ACTN2: variants seen among roughly 807,000 people sequenced by gnomAD.
ACTN2 encodes the protein alpha-actinin-2.
A neutral mutation model predicts 113.8 loss-of-function variants in ACTN2; 39 were observed. The observed-to-expected ratio is 0.34, with a 90% CI of 0.27 to 0.45. The LOEUF is 0.45. Ranked by LOEUF, ACTN2 falls within the 20% of genes least tolerant of loss-of-function variation. The pLI, the probability that ACTN2 is intolerant of heterozygous loss-of-function variation, is 1.00. For missense variants in ACTN2, 992 were observed against 1,177.9 expected (o/e 0.84, Z 2.31); for synonymous variants, 429 against 444.1 (o/e 0.97, Z 0.43).
rs888459537 is a variant in ACTN2 at position 236,745,069 on chromosome 1, G to A, written c.1406+293G>A. 9.2e-5 allele frequency among the ~76,000 whole-genome samples: 14 copies of A among 152,290 alleles called. No homozygotes were observed. The Middle Eastern group carries it at 0.014, about 148-fold the overall frequency. On this transcript the variant is annotated intron_variant, in intron 12 of 20. Coordinates refer to ENST00000366578, the MANE Select transcript of ACTN2 (RefSeq NM_001103.4). Reference sequence around the variant, plus strand: ...ATTGGGGCCCAGAAAGCTATGGGAAGGCGGCCTCACCCAGGCCAGGTGCAA... The same window carrying A: ...ATTGGGGCCCAGAAAGCTATGGGAAAGCGGCCTCACCCAGGCCAGGTGCAA...
In ACTN2 at chr1:236,754,130, C is replaced by G; in HGVS notation, c.1974+49C>G. The stretch of plus-strand genomic sequence containing the variant: ...CTGTTCACAAGCCTTGCGATAAGTC[C>G]CTTTAGCCACGCAGCAGTGACACCG... On this transcript the variant is annotated intron_variant, in intron 16 of 20. Coordinates refer to ENST00000366578, the MANE Select transcript of ACTN2 (RefSeq NM_001103.4). The surrounding 1 kb of genome is among the most constrained non-coding windows in gnomAD (Gnocchi z 4.9). 1 of 1,608,312 alleles carries G rather than the reference C, an allele frequency of 6.2e-7. No homozygotes were observed. Among genetic ancestry groups the G allele is most frequent in the Non-Finnish European group, 8.5e-7 (1 of 1,179,716 alleles).
At chr1:236,707,390 A>G (rs1273291348) in intron 1 of ACTN2, among the ~76,000 whole-genome samples, 1 of 152,180 alleles carries the variant, frequency 6.6e-6, no homozygotes, top group African/African-American at 2.4e-5. Context: ...TTCCTTAGTT[A>G]TTGGAGGCGG....
intron 3 of ACTN2, among the ~76,000 whole-genome samples, chr1:236,719,451 G>A (rs1652226): frequency 0.81 from 122,673 of 152,138 alleles, 51,461 homozygotes; most frequent in East Asian, 0.98. Context: ...CCGTAAGAAG[G>A]GTCAGGGTAA....
At chr1:236,727,592 A>G in intron 5 of ACTN2, 86 bp from the exon 6 acceptor site, 1 of 1,417,268 alleles carries the variant, frequency 7.1e-7, no homozygotes, top group Non-Finnish European at 1.0e-6. Context: ...AGACAGAAGG[A>G]AGGCCAACAT....
chr1:236,741,713 G>A (rs1198065431), intron 10 of ACTN2, among the ~76,000 whole-genome samples: 1 of 152,042 alleles, frequency 6.6e-6, no homozygotes, highest in Non-Finnish European at 1.5e-5. Context: ...TCTCTCCTTG[G>A]ACCCTGCAAG....
Position 236,749,198 on chromosome 1 carries a change from T to C in ACTN2, c.1590T>C (p.Asn530=), listed in dbSNP as rs1572141421. The change falls in exon 14 of 21, where the codon AAT becomes AAC. Residue 530 remains asparagine (N), a synonymous_variant. Coordinates refer to ENST00000366578, the MANE Select transcript of ACTN2 (RefSeq NM_001103.4). ...EFAKRAAPFN[N]WMEGAMEDLQ... ...CCAAGAGGGCTGCTCCTTTCAACAA[T>C]TGGATGGAGGGCGCTATGGAGGATC... 3 of 1,614,142 alleles carry C rather than the reference T, an allele frequency of 1.9e-6. No homozygotes were observed. The highest frequency in any genetic ancestry group is 2.5e-6 in the Non-Finnish European group (3 of 1,180,010).
At chr1:236,703,874 T>G (rs1467299095) in intron 1 of ACTN2, among the ~76,000 whole-genome samples, 1 of 152,040 alleles carries the variant, frequency 6.6e-6, no homozygotes, top group Non-Finnish European at 1.5e-5. Context: ...GGAGACTGAG[T>G]ATTAAGGACT....
chr1:236,710,277 T>G (rs1657985818), intron 1 of ACTN2, among the ~76,000 whole-genome samples: 1 of 152,256 alleles, frequency 6.6e-6, no homozygotes, highest in South Asian at 2.1e-4. Flanking sequence ...GATGTAGGCT[T>G]CATTAACTTA....
intron 1 of ACTN2, among the ~76,000 whole-genome samples, chr1:236,709,220 G>GTGTGTATATATA (rs1275373436): frequency 6.0e-5 from 4 of 66,850 alleles, no homozygotes; most frequent in African/African-American, 1.8e-4. Context: ...ACAAATGACT[G>GTGTGTATATATA]TATATATATA....
At chr1:236,712,778 G>C (rs1005911481) in intron 1 of ACTN2, among the ~76,000 whole-genome samples, 1 of 152,172 alleles carries the variant, frequency 6.6e-6, no homozygotes, top group African/African-American at 2.4e-5. Flanking sequence ...AAGTGCTTCT[G>C]ATGCCTGTAT....
At chr1:236,726,485 G>A (rs1385285512) in intron 5 of ACTN2, among the ~76,000 whole-genome samples, 1 of 152,148 alleles carries the variant, frequency 6.6e-6, no homozygotes, top group South Asian at 2.1e-4. Flanking sequence ...GAAAAATTAT[G>A]TCTGAAAAAT....
intron 18 of ACTN2, among the ~76,000 whole-genome samples, chr1:236,758,060 T>C (rs1024962577): frequency 1.3e-5 from 2 of 152,218 alleles, no homozygotes; most frequent in Admixed American, 6.5e-5. Context: ...CTCAGTTTTC[T>C]GTTTTAATTA....
At chr1:236,687,306 C>T (rs901143946) in intron 1 of ACTN2, among the ~76,000 whole-genome samples, 4 of 152,174 alleles carry the variant, frequency 2.6e-5, no homozygotes, top group African/African-American at 9.7e-5. Flanking sequence ...GAACACTAGA[C>T]ATTTACCGAT....
At chr1:236,705,990 T>C (rs1657812901) in intron 1 of ACTN2, among the ~76,000 whole-genome samples, 1 of 152,200 alleles carries the variant, frequency 6.6e-6, no homozygotes, top group African/African-American at 2.4e-5. Flanking sequence ...GATAAGACAA[T>C]CTTTTCAAGT....
chr1:236,751,210 TA>T (rs986909039), intron 14 of ACTN2, among the ~76,000 whole-genome samples: 9 of 151,242 alleles, frequency 6.0e-5, no homozygotes, highest in Non-Finnish European at 1.0e-4. Flanking sequence ...GAAAACTGAT[TA>T]AAAAAAATTA....
chr1:236,760,425 A>T (rs1659672625), intron 19 of ACTN2, among the ~76,000 whole-genome samples: 1 of 152,200 alleles, frequency 6.6e-6, no homozygotes, highest in Admixed American at 6.5e-5. Flanking sequence ...GGCTTTTAGT[A>T]GGAACCTAAT....
chr1:236,740,881 C>T (rs1373092163), intron 10 of ACTN2, among the ~76,000 whole-genome samples: 1 of 152,000 alleles, frequency 6.6e-6, no homozygotes, highest in East Asian at 1.9e-4. Context: ...CTACTTTGGC[C>T]CTCCTGTTTC....
At chr1:236,724,716 G>C (rs1291844393) in intron 4 of ACTN2, among the ~76,000 whole-genome samples, 1 of 152,246 alleles carries the variant, frequency 6.6e-6, no homozygotes, top group Non-Finnish European at 1.5e-5. Context: ...GAATGCAGGG[G>C]TGTGGTGCAT....
At chr1:236,692,976 T>C (rs1657320701) in intron 1 of ACTN2, among the ~76,000 whole-genome samples, 2 of 152,128 alleles carry the variant, frequency 1.3e-5, no homozygotes, top group South Asian at 4.1e-4. Flanking sequence ...CGGAATGCGT[T>C]GGAGGACAGT....
Sources: allele counts gnomAD v4.1 joint callset (sites outside exome capture counted in the v4.1 genomes callset), GRCh38; gene constraint gnomAD v4.1.1; non-coding constraint Gnocchi (gnomAD v3.1); transcripts MANE v1.5; gene names NCBI Gene and HGNC (gene_info 2026-07-23, HGNC 2026-07-21).